Variants in TNRC6B observed in about 807,000 individuals in gnomAD.
TNRC6B encodes trinucleotide repeat-containing gene 6B protein.
Under a neutral mutation model 203.6 loss-of-function variants are expected in TNRC6B, and 52 were observed. The observed-to-expected ratio is 0.26, with a 90% CI of 0.20 to 0.32. TNRC6B has a LOEUF of 0.32. Ranked by LOEUF, TNRC6B falls within the 10% of genes least tolerant of loss-of-function variation. The pLI is 1.00. For missense variants in TNRC6B, 1,923 were observed against 2,286.2 expected (o/e 0.84, Z 3.24); for synonymous variants, 838 against 845.7 (o/e 0.99, Z 0.16).
chr22:40,267,562 G>A (rs1257642592), intron 5 of TNRC6B, among the ~76,000 whole-genome samples: 1 of 152,128 alleles, frequency 6.6e-6, no homozygotes. Flanking sequence ...GGAGTACTTT[G>A]TATAAGAGAT....
intron 1 of TNRC6B, chr22:40,107,179 G>A (rs924221097): frequency 1.9e-6 from 1 of 532,592 alleles, no homozygotes; most frequent in African/African-American, 1.9e-5. Flanking sequence ...TCCTATTTAA[G>A]AAATCCTTCC....
At chr22:40,246,299 C>T in intron 2 of TNRC6B, 197 bp downstream of exon 2, 1 of 343,410 alleles carries the variant, frequency 2.9e-6, no homozygotes, top group South Asian at 3.4e-5. Context: ...AAGCGATGCT[C>T]CTCTCTCAGC....
At position 40,315,434 on chromosome 22, in the gene TNRC6B, A is replaced by G. The variant is rs753509531; in HGVS notation, c.4830A>G (p.Pro1610=). 1.9e-6 allele frequency: 3 copies of G among 1,613,882 alleles called. No individual in the cohort carries two copies. Among genetic ancestry groups the G allele is most frequent in the Non-Finnish European group, 2.5e-6 (3 of 1,179,848 alleles). ...RPPPGLTNPK[P]SSPWSSTAPR... is the part of the protein sequence containing the mutation. Reference sequence around the variant, plus strand: ...CTCCTGGTCTGACCAACCCCAAACCATCATCTCCCTGGAGCAGCACAGCAC... The same window carrying G: ...CTCCTGGTCTGACCAACCCCAAACCGTCATCTCCCTGGAGCAGCACAGCAC... The change falls in exon 20 of 23, where the codon CCA becomes CCG. Residue 1610 remains proline (P), a synonymous_variant. Transcript: ENST00000454349.
intron 1 of TNRC6B, among the ~76,000 whole-genome samples, chr22:40,244,594 G>A (rs1483087711): frequency 6.6e-6 from 1 of 151,774 alleles, no homozygotes; most frequent in African/African-American, 2.4e-5. Flanking sequence ...TGAGTCCTTC[G>A]GGAACCATCT....
Position 40,151,431 on chromosome 22 carries a change from C to G in TNRC6B, c.46-4684C>G, listed in dbSNP as rs117244557. On this transcript the variant is annotated intron_variant, in intron 3 of 23. Coordinates refer to the TNRC6B transcript ENST00000301923. ...ATGCACGCCTGTAATCCCAGCTACT[C>G]GGGAAGCTGAAGCAGGGAGAATCTC... 5.1e-3 allele frequency among the ~76,000 whole-genome samples: 770 copies of G among 150,894 alleles called. 18 individuals are homozygous for G. The East Asian group carries it at 0.083, about 16-fold the overall frequency.
intron 3 of TNRC6B, among the ~76,000 whole-genome samples, chr22:40,129,469 C>G (rs1359431844): frequency 5.9e-5 from 9 of 152,166 alleles, no homozygotes; most frequent in Admixed American, 6.5e-5. Flanking sequence ...GAAAGACAGA[C>G]TTGAGGTGTA....
At chr22:40,257,351 A>C (rs973942141) in intron 3 of TNRC6B, among the ~76,000 whole-genome samples, 1 of 152,188 alleles carries the variant, frequency 6.6e-6, no homozygotes, top group Non-Finnish European at 1.5e-5. Context: ...AGATACAAGA[A>C]TGGAATAAGA....
chr22:40,239,203 AAAAAG>A (rs1300243320), intron 1 of TNRC6B, among the ~76,000 whole-genome samples: 4 of 151,650 alleles, frequency 2.6e-5, no homozygotes, highest in Non-Finnish European at 5.9e-5. Flanking sequence ...ACTCCATCTC[AAAAAG>A]AAAAGAAAAG....
intron 12 of TNRC6B, among the ~76,000 whole-genome samples, chr22:40,293,497 A>G (rs2070896849): frequency 6.6e-6 from 1 of 151,818 alleles, no homozygotes; most frequent in African/African-American, 2.4e-5. Context: ...CTGGCCTGCT[A>G]TAATATTCTC....
At chr22:40,296,650 T>C (rs1357168029) in intron 12 of TNRC6B, among the ~76,000 whole-genome samples, 3 of 148,318 alleles carry the variant, frequency 2.0e-5, no homozygotes, top group South Asian at 2.2e-4. Flanking sequence ...TTTTTCCTTA[T>C]GGTGTTTCTC....
chr22:40,142,666 T>C (rs923461982), intron 3 of TNRC6B, among the ~76,000 whole-genome samples: 32 of 152,266 alleles, frequency 2.1e-4, no homozygotes, highest in African/African-American at 7.5e-4. Flanking sequence ...TTAAAATATG[T>C]TATCAGTTAA....
chr22:40,206,778 C>T (rs1020268452), intron 1 of TNRC6B, among the ~76,000 whole-genome samples: 5 of 152,044 alleles, frequency 3.3e-5, no homozygotes, highest in Non-Finnish European at 2.9e-5. Flanking sequence ...TGCTCTGTGG[C>T]GGAACTGGCC....
At chr22:40,320,769 T>TTAA (rs890774677) in intron 21 of TNRC6B, among the ~76,000 whole-genome samples, 9 of 152,178 alleles carry the variant, frequency 5.9e-5, no homozygotes, top group African/African-American at 2.2e-4. Flanking sequence ...AATAATCAGA[T>TTAA]GTTTAGTAGT....
At position 40,296,027 on chromosome 22, in the gene TNRC6B, C is replaced by T. The variant is rs565686397; in HGVS notation, c.3709-4428C>T. ...TTTAATGACACCCATCTTTCCTGCC[C>T]GCATTCTGAATGTTTAAGGCAAAAG... On this transcript the variant is annotated intron_variant, in intron 12 of 22. Transcript: ENST00000454349. 3.3e-5 allele frequency among the ~76,000 whole-genome samples: 5 copies of T among 152,184 alleles called. No individual in the cohort carries two copies. In the East Asian group the frequency reaches 9.7e-4, roughly 29 times the overall value.
At chr22:40,052,104 A>G (rs2067750988) in intron 1 of TNRC6B, among the ~76,000 whole-genome samples, 1 of 152,200 alleles carries the variant, frequency 6.6e-6, no homozygotes, top group South Asian at 2.1e-4. Flanking sequence ...CCCCTCACCT[A>G]GAACCAGCTT....
At chr22:40,222,749 T>C (rs2069730279) in intron 1 of TNRC6B, among the ~76,000 whole-genome samples, 1 of 121,074 alleles carries the variant, frequency 8.3e-6, no homozygotes, top group African/African-American at 3.0e-5. Context: ...TTTTTTTTTT[T>C]TTTTTTTTTT....
intron 16 of TNRC6B, 83 bp from the exon 17 acceptor site, chr22:40,310,734 G>A (rs2071165842): frequency 7.2e-7 from 1 of 1,384,390 alleles, no homozygotes; most frequent in Admixed American, 2.5e-5. Context: ...TCAGAAGACT[G>A]TTTGCATTCC....
intron 21 of TNRC6B, among the ~76,000 whole-genome samples, chr22:40,319,090 A>G (rs2071299900): frequency 6.6e-6 from 1 of 152,162 alleles, no homozygotes; most frequent in South Asian, 2.1e-4. Context: ...AATGTTAATT[A>G]TACACATACA....
At chr22:40,230,871 T>C (rs187636202) in intron 1 of TNRC6B, among the ~76,000 whole-genome samples, 8 of 152,298 alleles carry the variant, frequency 5.3e-5, no homozygotes, top group Admixed American at 5.2e-4. Context: ...TTTATAGTTT[T>C]AGATTTTACA....
Sources: allele counts gnomAD v4.1 joint callset (sites outside exome capture counted in the v4.1 genomes callset), GRCh38; gene constraint gnomAD v4.1.1; transcripts MANE v1.5; gene names NCBI Gene and HGNC (gene_info 2026-07-23, HGNC 2026-07-21).